Variants in DSCAM observed in about 807,000 individuals in gnomAD.
DSCAM encodes cell adhesion molecule DSCAM.
Under a neutral mutation model 217.7 loss-of-function variants are expected in DSCAM, and 47 were observed. That is an observed-to-expected ratio of 0.22 (90% CI 0.17 to 0.28). The LOEUF is 0.28. DSCAM is among the 10% of genes least tolerant of loss of function. The probability of loss-of-function intolerance (pLI) is 1.00; values close to 1 mark genes in which losing one functional copy is unlikely to be tolerated. For missense variants in DSCAM, 2,080 were observed against 2,618.3 expected, an observed-to-expected ratio of 0.79 and a Z score of 4.49; for synonymous variants, 1,056 against 1,015.3, an observed-to-expected ratio of 1.04 and a Z score of -0.76.
chr21:40,613,303 G>A (rs987504848), intron 3 of DSCAM, among the ~76,000 whole-genome samples: 3 of 152,034 alleles, frequency 2.0e-5, no homozygotes, highest in Non-Finnish European at 4.4e-5. Flanking sequence ...CATTCCATTG[G>A]GTACATTTGT....
intron 3 of DSCAM, among the ~76,000 whole-genome samples, chr21:40,567,945 GT>G (rs373343612): frequency 8.8e-5 from 13 of 148,468 alleles, no homozygotes; most frequent in East Asian, 2.0e-4. Context: ...TTTTTGTTTG[GT>G]TTTTTTTTTG....
At chr21:40,288,325 C>G (rs1362560561) in intron 10 of DSCAM, among the ~76,000 whole-genome samples, 2 of 152,110 alleles carry the variant, frequency 1.3e-5, no homozygotes, top group Non-Finnish European at 2.9e-5. Flanking sequence ...TGGGAAGACT[C>G]AATATTCTAA....
chr21:40,241,332 T>G (rs544944009), intron 11 of DSCAM, among the ~76,000 whole-genome samples: 3 of 152,228 alleles, frequency 2.0e-5, no homozygotes, highest in Admixed American at 6.5e-5. Context: ...GCAAAGGATA[T>G]GAACAGATGC....
At chr21:40,325,740 A>G (rs2074310299) in intron 8 of DSCAM, among the ~76,000 whole-genome samples, 1 of 152,188 alleles carries the variant, frequency 6.6e-6, no homozygotes, top group Non-Finnish European at 1.5e-5. Flanking sequence ...CTTTACATCA[A>G]TCAGCTTTGT....
At chr21:40,117,549 T>C (rs2089985097) in intron 20 of DSCAM, among the ~76,000 whole-genome samples, 2 of 152,144 alleles carry the variant, frequency 1.3e-5, no homozygotes, top group South Asian at 2.1e-4. Context: ...CTGCGTAAGG[T>C]AGTCACCAGA....
chr21:40,465,722 C>A (rs527457395), intron 3 of DSCAM, among the ~76,000 whole-genome samples: 9 of 152,200 alleles, frequency 5.9e-5, no homozygotes, highest in African/African-American at 2.2e-4. Context: ...ATTCTTCTTC[C>A]AATGTTCCCC....
At chr21:40,188,077 C>T in intron 12 of DSCAM, 90 bp from the exon 13 acceptor site, 1 of 905,844 alleles carries the variant, frequency 1.1e-6, no homozygotes, top group South Asian at 1.6e-5. Flanking sequence ...TTTCAGTTCT[C>T]CTGCCATGCC....
In DSCAM at chr21:40,595,299, G is replaced by A. The variant is rs561692424; in HGVS notation, c.508+97511C>T. Among the ~76,000 whole-genome samples, 9 of 151,900 alleles carry A rather than the reference G, an allele frequency of 5.9e-5. No individual in the cohort carries two copies. The South Asian group carries it at 8.3e-4, about 14-fold the overall frequency. On this transcript the variant is annotated intron_variant, in intron 3 of 32. Transcript: ENST00000400454. ...AGGCTGAGGTGGGAGGATCACTTGC[G>A]CCCAGGAGATCAAGGCTGCAGTGAG... is the stretch of plus-strand genomic sequence containing the variant.
chr21:40,022,277 T>C (rs753648165), intron 32 of DSCAM, among the ~76,000 whole-genome samples: 40 of 152,266 alleles, frequency 2.6e-4, no homozygotes, highest in Admixed American at 1.4e-3. Flanking sequence ...ACACTATTGA[T>C]ACCTATTGGT....
intron 20 of DSCAM, among the ~76,000 whole-genome samples, chr21:40,094,889 T>C (rs1268870618): frequency 6.6e-6 from 1 of 152,208 alleles, no homozygotes; most frequent in Non-Finnish European, 1.5e-5. Flanking sequence ...TCACAAAGTT[T>C]AACACCTACT....
At chr21:40,580,298 C>T (rs1810867) in intron 3 of DSCAM, among the ~76,000 whole-genome samples, 68,156 of 151,708 alleles carry the variant, frequency 0.45, 16,185 homozygotes, top group Admixed American at 0.55. Context: ...TTTGGGAGGC[C>T]GAGGTGGGTG....
At chr21:40,022,571 T>G (rs868117608) in intron 32 of DSCAM, among the ~76,000 whole-genome samples, 2 of 152,200 alleles carry the variant, frequency 1.3e-5, no homozygotes, top group South Asian at 2.1e-4. Context: ...CCAATGGAAC[T>G]GTAATCAGAA....
intron 3 of DSCAM, among the ~76,000 whole-genome samples, chr21:40,476,062 A>C (rs1045851288): frequency 2.6e-5 from 4 of 152,136 alleles, no homozygotes; most frequent in African/African-American, 7.2e-5. Flanking sequence ...CTCATAGAGA[A>C]AGGGACTATA....
At chr21:40,658,329 G>C (rs2090098408) in intron 3 of DSCAM, among the ~76,000 whole-genome samples, 1 of 152,200 alleles carries the variant, frequency 6.6e-6, no homozygotes, top group Non-Finnish European at 1.5e-5. Context: ...GGTCTGTGAA[G>C]ACACTGACCT....
intron 1 of DSCAM, among the ~76,000 whole-genome samples, chr21:40,714,474 G>A (rs774333637): frequency 2.0e-5 from 3 of 152,146 alleles, no homozygotes; most frequent in Non-Finnish European, 4.4e-5. Context: ...GGAATTAAAG[G>A]GGTTTCTTAT....
intron 3 of DSCAM, among the ~76,000 whole-genome samples, chr21:40,379,685 A>G (rs766519706): frequency 2.6e-5 from 4 of 152,174 alleles, no homozygotes; most frequent in Non-Finnish European, 2.9e-5. Flanking sequence ...CTGAAGACAA[A>G]GGGATCCTCT....
At position 40,051,959 on chromosome 21, in the gene DSCAM, C is replaced by T. The variant is rs545172220; in HGVS notation, c.5184G>A (p.Thr1728=). 22 of 1,611,452 alleles carry T rather than the reference C, an allele frequency of 1.4e-5. No individual in the cohort carries two copies. The highest frequency in any genetic ancestry group is 1.7e-5 in the Non-Finnish European group (20 of 1,178,988). ...TTTTAAGCATTGTTGACCACTCACT[C>T]GTTCCCGGCCGAGCGTCTGAAACAT... ...LVDVSDARPG[T]NPTTRRNAKA... Residue 1728 remains threonine, a splice_region_variant and synonymous_variant, in exon 30 of 33, where the codon ACG becomes ACA. Transcript: ENST00000400454.
At chr21:40,568,497 A>G (rs2076782057) in intron 3 of DSCAM, among the ~76,000 whole-genome samples, 1 of 152,144 alleles carries the variant, frequency 6.6e-6, no homozygotes, top group Admixed American at 6.5e-5. Flanking sequence ...CAGGCTGTAC[A>G]TTCAAGGAGA....
intron 3 of DSCAM, among the ~76,000 whole-genome samples, chr21:40,459,721 C>A (rs1003888066): frequency 1.3e-5 from 2 of 152,068 alleles, no homozygotes; most frequent in South Asian, 2.1e-4. Flanking sequence ...ACAACTCTAG[C>A]AAAATATGAA....
Sources: gnomAD v4.1 joint callset for allele counts (sites outside exome capture counted in the v4.1 genomes callset) on GRCh38, gnomAD v4.1.1 for gene constraint, MANE v1.5 for transcripts, NCBI Gene and HGNC (gene_info 2026-07-23, HGNC 2026-07-21) for gene names.